The following QRICH1 variants were observed in gnomAD, a reference collection of about 807,000 sequenced individuals.
QRICH1 encodes the protein glutamine rich 1, also known as transcriptional regulator QRICH1.
A neutral mutation model predicts 87.1 loss-of-function variants in QRICH1; 16 were observed. The observed-to-expected ratio is 0.18, with a 90% confidence interval of 0.12 to 0.28. The LOEUF is 0.28. QRICH1 is among the 10% of genes least tolerant of loss of function. QRICH1 has a pLI of 1.00. For synonymous variants in QRICH1, 367 were observed against 368.4 expected, an observed-to-expected ratio of 1.00 and a Z score of 0.05; for missense variants, 647 against 951.7, an observed-to-expected ratio of 0.68 and a Z score of 4.21.
At chr3:49,071,356 T>TA (rs2093499451) in intron 2 of QRICH1, among the ~76,000 whole-genome samples, 1 of 152,122 alleles carries the variant, frequency 6.6e-6, no homozygotes, top group Non-Finnish European at 1.5e-5. Flanking sequence ...CCAAACTCTT[T>TA]AATCTTATGA....
intron 3 of QRICH1, among the ~76,000 whole-genome samples, chr3:49,051,522 GT>G (rs1195068111): frequency 6.8e-6 from 1 of 147,948 alleles, no homozygotes; most frequent in African/African-American, 2.5e-5. Flanking sequence ...CACTTTTCCA[GT>G]TTGGATATCC....
intron 3 of QRICH1, among the ~76,000 whole-genome samples, chr3:49,052,788 C>T (rs1437894229): frequency 6.6e-6 from 1 of 152,164 alleles, no homozygotes; most frequent in Non-Finnish European, 1.5e-5. Context: ...TAGGTGTGAG[C>T]CACCACGCCT....
intron 1 of QRICH1, among the ~76,000 whole-genome samples, chr3:49,088,103 C>T (rs1332250120): frequency 2.6e-5 from 4 of 151,636 alleles, no homozygotes; most frequent in African/African-American, 7.3e-5. Context: ...AGGCGCCCGC[C>T]ACCACATCCA....
intron 3 of QRICH1, among the ~76,000 whole-genome samples, chr3:49,050,422 CAAAAAAAAA>C (rs552220438): frequency 1.7e-5 from 1 of 58,616 alleles, no homozygotes; most frequent in Non-Finnish European, 2.9e-5. Context: ...GACTCTGTCT[CAAAAAAAAA>C]AAAAAAAAAA....
At chr3:49,059,050 C>T (rs925450925) in intron 2 of QRICH1, among the ~76,000 whole-genome samples, 1 of 151,712 alleles carries the variant, frequency 6.6e-6, no homozygotes, top group African/African-American at 2.4e-5. Flanking sequence ...CAAGCTCCGC[C>T]TCCCGGGTTC....
intron 3 of QRICH1, among the ~76,000 whole-genome samples, chr3:49,055,531 T>A (rs2093396143): frequency 1.3e-5 from 2 of 152,196 alleles, no homozygotes; most frequent in African/African-American, 4.8e-5. Context: ...TAGACTATAT[T>A]TTTTAAATTT....
At chr3:49,068,850 A>G (rs1193760688) in intron 2 of QRICH1, among the ~76,000 whole-genome samples, 2 of 151,594 alleles carry the variant, frequency 1.3e-5, no homozygotes, top group African/African-American at 4.8e-5. Flanking sequence ...AGGCTGGTCT[A>G]GAACTCCTGA....
At chr3:49,093,557 G>C (rs1414052129) in intron 1 of QRICH1, 1 of 152,026 alleles carries the variant, frequency 6.6e-6, no homozygotes, top group Admixed American at 6.5e-5. Context: ...CCAGAAAGCC[G>C]CGGTTGCCCA....
At chr3:49,030,729 C>G in intron 9 of QRICH1, 85 bp from the exon 10 acceptor site, 3 of 1,216,640 alleles carry the variant, frequency 2.5e-6, no homozygotes, top group Non-Finnish European at 3.4e-6. Flanking sequence ...ATGCTGTCTG[C>G]AAACAGTAAG....
At chr3:49,092,980 T>C (rs1027997955) in intron 1 of QRICH1, among the ~76,000 whole-genome samples, 1 of 152,256 alleles carries the variant, frequency 6.6e-6, no homozygotes, top group Non-Finnish European at 1.5e-5. Flanking sequence ...GGATTTAAAC[T>C]GGCATTTTAG....
chr3:49,053,391 G>A (rs1419296375), intron 3 of QRICH1, among the ~76,000 whole-genome samples: 2 of 150,902 alleles, frequency 1.3e-5, no homozygotes, highest in Non-Finnish European at 2.9e-5. Context: ...GGGAGGCTGA[G>A]GCAAAATGGT....
chr3:49,047,230 A>G lies in QRICH1; in HGVS notation c.1355T>C (p.Val452Ala). 2 of 1,614,062 alleles carry G rather than the reference A, an allele frequency of 1.2e-6. No homozygotes were observed. Among genetic ancestry groups the G allele is most frequent in the Non-Finnish European group, 1.7e-6 (2 of 1,179,936 alleles). ...CTGTGACTGTGGTTCAACTTCAGCA[A>G]CCTGGACAGTTTGAGCCTATAGGAG... ...QVTCSAQTVQ[V>A]AEVEPQSQPQ... Residue 452 changes from valine to alanine, a missense_variant, in exon 4 of 10, where the codon GTT becomes GCT. Transcript: ENST00000395443.
chr3:49,044,664 G>A (rs769285341), intron 5 of QRICH1, among the ~76,000 whole-genome samples, 160 bp from the exon 6 acceptor site: 1 of 152,084 alleles, frequency 6.6e-6, no homozygotes, highest in African/African-American at 2.4e-5. Context: ...GTATGCCTAA[G>A]CTCATGTGAC....
intron 1 of QRICH1, among the ~76,000 whole-genome samples, chr3:49,077,729 G>A (rs920118805): frequency 6.6e-6 from 1 of 151,928 alleles, no homozygotes; most frequent in Non-Finnish European, 1.5e-5. Flanking sequence ...GAGTAAATGG[G>A]GACACAATAG....
intron 2 of QRICH1, among the ~76,000 whole-genome samples, chr3:49,073,301 G>A (rs2041881704): frequency 6.6e-6 from 1 of 152,076 alleles, no homozygotes; most frequent in African/African-American, 2.4e-5. Context: ...CTGTACTTTG[G>A]AGGCCAAGGC....
chr3:49,039,618 C>CAAAAAAA (rs899570014), intron 6 of QRICH1, among the ~76,000 whole-genome samples: 5 of 16,368 alleles, frequency 3.1e-4, no homozygotes, highest in East Asian at 1.2e-3. Context: ...GACTCCATCT[C>CAAAAAAA]AAAAAAAAAA....
Position 49,055,558 on chromosome 3 carries a change from T to C in QRICH1, c.1338+1304A>G, listed in dbSNP as rs376391421. 4.6e-5 allele frequency among the ~76,000 whole-genome samples: 7 copies of C among 152,346 alleles called. No homozygotes were observed. In the East Asian group the frequency reaches 9.6e-4, roughly 21 times the overall value. On this transcript the variant is annotated intron_variant, in intron 3 of 9. Transcript: ENST00000395443. ...TTTAAATTTTTGTAGAGATAGGGTCTTCCTATATTGCCCAGGCTGATCTCA... is the reference window on the plus strand; with the variant it reads ...TTTAAATTTTTGTAGAGATAGGGTCCTCCTATATTGCCCAGGCTGATCTCA...
chr3:49,049,341 AGGCT>A (rs2093357001), intron 3 of QRICH1, among the ~76,000 whole-genome samples: 2 of 151,634 alleles, frequency 1.3e-5, no homozygotes, highest in African/African-American at 4.8e-5. Context: ...GCTACTTGGG[AGGCT>A]GCAGCATAAG....
intron 1 of QRICH1, 72 bp downstream of exon 1, chr3:49,093,840 C>CCGG: frequency 2.8e-6 from 1 of 361,814 alleles, no homozygotes; most frequent in Non-Finnish European, 4.9e-6. Context: ...CCCCGCCCGC[C>CCGG]GTTGTGTGGG....
Sources: allele counts gnomAD v4.1 joint callset (sites outside exome capture counted in the v4.1 genomes callset), GRCh38; gene constraint gnomAD v4.1.1; transcripts MANE v1.5; gene names NCBI Gene and HGNC (gene_info 2026-07-23, HGNC 2026-07-21).